IL1RAPL1: variants seen among roughly 807,000 people sequenced by gnomAD.
IL1RAPL1 encodes interleukin 1 receptor accessory protein like 1, also known as interleukin-1 receptor accessory protein-like 1.
IL1RAPL1 carries 3 observed loss-of-function variants against 48.4 expected under a neutral mutation model. The observed-to-expected ratio is 0.06, with a 90% CI of 0.03 to 0.16. The LOEUF (loss-of-function observed/expected upper bound fraction) is 0.16. Among genes scored for constraint, IL1RAPL1 ranks in the 10% least tolerant of loss-of-function variants. The pLI, the probability that IL1RAPL1 is intolerant of heterozygous loss-of-function variation, is 1.00. For synonymous variants in IL1RAPL1, 185 were observed against 187.7 expected, an observed-to-expected ratio of 0.99 and a Z score of 0.12; for missense variants, 349 against 530.6, an observed-to-expected ratio of 0.66 and a Z score of 3.36.
At chrX:29,910,613 T>C (rs1932748623) in intron 6 of IL1RAPL1, among the ~76,000 whole-genome samples, 1 of 111,947 alleles carries the variant, frequency 8.9e-6, no homozygotes, top group Admixed American at 9.5e-5. Flanking sequence ...TAAATCATTT[T>C]ATAAATTCAT....
intron 5 of IL1RAPL1, among the ~76,000 whole-genome samples, chrX:29,530,013 A>T (rs1432964779): frequency 8.9e-6 from 1 of 112,257 alleles, no homozygotes; most frequent in Non-Finnish European, 1.9e-5. Context: ...TGCCTGGCAT[A>T]TAAGTTCTCA....
intron 8 of IL1RAPL1, among the ~76,000 whole-genome samples, chrX:29,937,491 C>T (rs184130222): frequency 2.7e-5 from 3 of 111,877 alleles, no homozygotes; most frequent in Admixed American, 9.5e-5. Flanking sequence ...TAATAGGTAG[C>T]GCATGTATTA....
At chrX:28,644,542 G>C (rs917542729) in intron 1 of IL1RAPL1, among the ~76,000 whole-genome samples, 4 of 111,436 alleles carry the variant, frequency 3.6e-5, no homozygotes, top group Non-Finnish European at 7.5e-5. Context: ...AGAAGATTCA[G>C]TTCATATATC....
chrX:28,932,798 A>G (rs1923920515), intron 2 of IL1RAPL1, among the ~76,000 whole-genome samples: 1 of 110,921 alleles, frequency 9.0e-6, no homozygotes, highest in Non-Finnish European at 1.9e-5. Flanking sequence ...TAGAAAAAGA[A>G]AACTCAGTCC....
chrX:28,595,483 T>C (rs933090398), intron 1 of IL1RAPL1, among the ~76,000 whole-genome samples: 6 of 112,221 alleles, frequency 5.3e-5, no homozygotes, highest in Non-Finnish European at 1.1e-4. Context: ...TTTTAGATGA[T>C]AAGGTGGAGA....
intron 5 of IL1RAPL1, among the ~76,000 whole-genome samples, chrX:29,664,477 A>G (rs1925944725): frequency 9.0e-6 from 1 of 111,482 alleles, no homozygotes; most frequent in African/African-American, 3.3e-5. Context: ...CTTTGAAAGA[A>G]ACATTTTATG....
rs148603275 is a variant in IL1RAPL1, at chrX:29,071,862, C to T, written c.83-211076C>T. ...TTAGTAGGCCTAAATAAATGTTTAT[C>T]GAACTAAAGTATTGCACATACCCAG... On this transcript the variant is annotated intron_variant, in intron 2 of 10. Transcript: ENST00000378993. 8.9e-3 allele frequency among the ~76,000 whole-genome samples: 1,000 copies of T among 111,932 alleles called. 15 individuals carry two copies. The highest frequency in any genetic ancestry group is 0.031 in the African/African-American group (965 of 30,845).
intron 6 of IL1RAPL1, among the ~76,000 whole-genome samples, chrX:29,837,218 G>A (rs773308622): frequency 4.5e-4 from 42 of 93,913 alleles, no homozygotes; most frequent in Non-Finnish European, 7.8e-4. Context: ...AGCCGAGTTC[G>A]CGCCACTGCA....
chrX:29,548,030 CACCT>C (rs1921683173), intron 5 of IL1RAPL1, among the ~76,000 whole-genome samples: 1 of 112,247 alleles, frequency 8.9e-6, no homozygotes, highest in East Asian at 2.8e-4. Flanking sequence ...CTATTTTCTC[CACCT>C]TTGCCTTCTA....
chrX:29,495,291 C>A (rs1204609520), intron 5 of IL1RAPL1, among the ~76,000 whole-genome samples: 1 of 111,790 alleles, frequency 8.9e-6, no homozygotes, highest in Non-Finnish European at 1.9e-5. Flanking sequence ...ATTATATTTA[C>A]ATTTAGGATG....
intron 5 of IL1RAPL1, among the ~76,000 whole-genome samples, chrX:29,640,683 A>C (rs1443209830): frequency 9.0e-6 from 1 of 111,710 alleles, no homozygotes; most frequent in African/African-American, 3.3e-5. Context: ...TCCACCTTGA[A>C]AGTGGATTCA....
chrX:29,579,366 C>A (rs1001617392), intron 5 of IL1RAPL1, among the ~76,000 whole-genome samples: 7 of 111,493 alleles, frequency 6.3e-5, no homozygotes, highest in African/African-American at 2.0e-4. Flanking sequence ...TAGGCTTTGG[C>A]AGATGACTGG....
chrX:29,795,211 T>C (rs1232079902), intron 6 of IL1RAPL1, among the ~76,000 whole-genome samples: 2 of 111,809 alleles, frequency 1.8e-5, no homozygotes, highest in Non-Finnish European at 3.8e-5. Flanking sequence ...ATCTAAATCA[T>C]CTATATCTAT....
At chrX:29,596,044 A>G (rs1402749120) in intron 5 of IL1RAPL1, among the ~76,000 whole-genome samples, 1 of 111,081 alleles carries the variant, frequency 9.0e-6, no homozygotes, top group Non-Finnish European at 1.9e-5. Flanking sequence ...AAATCTAAGT[A>G]TTTGGGTGTG....
At chrX:28,786,420 G>A (rs750565419) in intron 1 of IL1RAPL1, among the ~76,000 whole-genome samples, 9 of 110,785 alleles carry the variant, frequency 8.1e-5, no homozygotes, top group African/African-American at 1.6e-4. Flanking sequence ...AGCCGAGATC[G>A]CGCCACTGCA....
chrX:29,481,703 C>T (rs1430705432), intron 5 of IL1RAPL1, among the ~76,000 whole-genome samples: 1 of 111,819 alleles, frequency 8.9e-6, no homozygotes, highest in Non-Finnish European at 1.9e-5. Flanking sequence ...TTTCCTGCCT[C>T]GTGGAAACTA....
In IL1RAPL1 at chrX:28,641,890, T is replaced by C. The variant is rs1325753701; in HGVS notation, c.-25+53843T>C. On this transcript the variant is annotated intron_variant, in intron 1 of 10. Coordinates refer to ENST00000378993, the MANE Select transcript of IL1RAPL1 (RefSeq NM_014271.4). ...TCTTCTTTTGCGAAGTGTCTGTTCA[T>C]ATCGATGTGCTGTATTCAGGAGACC... Among the ~76,000 whole-genome samples the C allele has an allele frequency of 3.6e-5, 4 of 111,102 alleles. No individual in the cohort carries two copies. The East Asian group carries it at 1.1e-3, about 32-fold the overall frequency.
intron 1 of IL1RAPL1, among the ~76,000 whole-genome samples, chrX:28,755,916 C>T (rs7886390): frequency 2.7e-5 from 3 of 111,564 alleles, no homozygotes; most frequent in African/African-American, 6.5e-5. Flanking sequence ...GAGTAATTTG[C>T]ACTTCTGTTA....
chrX:29,051,330 A>G (rs1927088843), intron 2 of IL1RAPL1, among the ~76,000 whole-genome samples: 1 of 112,087 alleles, frequency 8.9e-6, no homozygotes, highest in South Asian at 3.7e-4. Flanking sequence ...CCTGGTTTCC[A>G]ATCCCACACA....
Sources: gnomAD v4.1 joint callset for allele counts (sites outside exome capture counted in the v4.1 genomes callset) on GRCh38, gnomAD v4.1.1 for gene constraint, MANE v1.5 for transcripts, NCBI Gene and HGNC (gene_info 2026-07-23, HGNC 2026-07-21) for gene names.